The following PTPRD variants were observed in gnomAD, a reference collection of about 807,000 sequenced individuals.
The protein encoded by PTPRD is protein tyrosine phosphatase receptor type D, also known as receptor-type tyrosine-protein phosphatase delta.
A neutral mutation model predicts 214.5 loss-of-function variants in PTPRD; 34 were observed. The ratio of observed to expected loss-of-function variants is 0.16; its 90% CI spans 0.12 to 0.21. PTPRD has a LOEUF of 0.21. PTPRD is among the 10% of genes least tolerant of loss of function. The probability of loss-of-function intolerance (pLI) is 1.00; values close to 1 mark genes in which losing one functional copy is unlikely to be tolerated. For missense variants in PTPRD, 2,545 were observed against 2,398.7 expected, an observed-to-expected ratio of 1.06 and a Z score of -1.27; for synonymous variants, 1,128 against 845.7, an observed-to-expected ratio of 1.33 and a Z score of -5.79.
intron 2 of PTPRD, among the ~76,000 whole-genome samples, chr9:10,598,360 G>A (rs924176744): frequency 6.6e-6 from 1 of 151,708 alleles, no homozygotes; most frequent in African/African-American, 2.4e-5. Flanking sequence ...CATGATTTCT[G>A]CTTGGAACTC....
intron 39 of PTPRD, among the ~76,000 whole-genome samples, chr9:8,372,480 A>T (rs1156294): frequency 6.6e-6 from 1 of 151,890 alleles, no homozygotes; most frequent in South Asian, 2.1e-4. Flanking sequence ...GTGAAGAAAC[A>T]GAGATTAAAT....
intron 11 of PTPRD, among the ~76,000 whole-genome samples, chr9:8,967,608 A>T (rs1014103736): frequency 9.3e-6 from 1 of 107,084 alleles, no homozygotes; most frequent in African/African-American, 3.6e-5. Flanking sequence ...ACGTGGTATC[A>T]AAAAACAATA....
chr9:8,598,559 G>T (rs935775165), intron 14 of PTPRD, among the ~76,000 whole-genome samples: 1 of 152,182 alleles, frequency 6.6e-6, no homozygotes, highest in African/African-American at 2.4e-5. Flanking sequence ...CAGTCAATAT[G>T]AAAGCATAAT....
intron 4 of PTPRD, among the ~76,000 whole-genome samples, chr9:9,990,984 C>G (rs1891916): frequency 0.71 from 106,406 of 150,344 alleles, 37,874 homozygotes; most frequent in Middle Eastern, 0.78. Context: ...GCCCAGGCTG[C>G]AGTGCAGTGG....
At chr9:10,229,460 C>T (rs1338885015) in intron 3 of PTPRD, among the ~76,000 whole-genome samples, 1 of 151,996 alleles carries the variant, frequency 6.6e-6, no homozygotes, top group Non-Finnish European at 1.5e-5. Flanking sequence ...CCCAAATGTC[C>T]AACAGTGATA....
intron 3 of PTPRD, among the ~76,000 whole-genome samples, chr9:10,100,414 G>C (rs542516412): frequency 1.3e-5 from 2 of 151,750 alleles, no homozygotes; most frequent in East Asian, 3.9e-4. Context: ...TACTCTCTTA[G>C]ACTGATCTCT....
chr9:8,901,468 C>T (rs2098668196), intron 11 of PTPRD, among the ~76,000 whole-genome samples: 1 of 152,170 alleles, frequency 6.6e-6, no homozygotes, highest in Admixed American at 6.5e-5. Context: ...ACATCTATTG[C>T]CTCACAACAG....
chr9:10,564,068 C>CGAT (rs1440719327), intron 2 of PTPRD, among the ~76,000 whole-genome samples: 2 of 150,572 alleles, frequency 1.3e-5, no homozygotes, highest in African/African-American at 4.9e-5. Flanking sequence ...AGCACTGGTG[C>CGAT]GATCATGGCT....
chr9:9,518,062 T>C (rs2096879304), intron 8 of PTPRD, among the ~76,000 whole-genome samples: 1 of 152,110 alleles, frequency 6.6e-6, no homozygotes, highest in East Asian at 1.9e-4. Context: ...ATTGATACTT[T>C]TATAGTTGTG....
intron 3 of PTPRD, among the ~76,000 whole-genome samples, chr9:10,204,285 A>C (rs1054364043): frequency 3.3e-5 from 5 of 152,184 alleles, no homozygotes; most frequent in Non-Finnish European, 5.9e-5. Flanking sequence ...CTGAAAAAAA[A>C]CAACTCAGTT....
chr9:9,607,872 CA>C (rs201955831), intron 7 of PTPRD, among the ~76,000 whole-genome samples: 5 of 148,092 alleles, frequency 3.4e-5, no homozygotes, highest in East Asian at 3.9e-4. Context: ...TAGTGACTGA[CA>C]AAAAAAAAAT....
chr9:10,117,595 A>C (rs1024598478), intron 3 of PTPRD, among the ~76,000 whole-genome samples: 1 of 130,298 alleles, frequency 7.7e-6, no homozygotes, highest in Non-Finnish European at 1.6e-5. Context: ...TCTTCCCTGT[A>C]TGGATTAAAT....
At chr9:8,849,231 A>T (rs2097766671) in intron 11 of PTPRD, among the ~76,000 whole-genome samples, 1 of 132,802 alleles carries the variant, frequency 7.5e-6, no homozygotes. Context: ...GCTGGAGTGC[A>T]TTGGTGTAAT....
intron 9 of PTPRD, among the ~76,000 whole-genome samples, chr9:9,251,604 A>T (rs1166463853): frequency 6.6e-6 from 1 of 152,044 alleles, no homozygotes; most frequent in Non-Finnish European, 1.5e-5. Flanking sequence ...TTCATTACAG[A>T]CTTTGTCATA....
intron 7 of PTPRD, among the ~76,000 whole-genome samples, chr9:9,697,947 C>CT (rs1378027615): frequency 2.6e-5 from 4 of 152,126 alleles, no homozygotes; most frequent in African/African-American, 9.7e-5. Context: ...ACTTTAATGA[C>CT]TTTTTCAGTT....
At chr9:10,451,851 C>T (rs2098843656) in intron 2 of PTPRD, among the ~76,000 whole-genome samples, 1 of 151,970 alleles carries the variant, frequency 6.6e-6, no homozygotes, top group Non-Finnish European at 1.5e-5. Flanking sequence ...CACTAAACCT[C>T]ACCCTACTCG....
intron 10 of PTPRD, among the ~76,000 whole-genome samples, chr9:9,111,808 T>A (rs2099806505): frequency 6.6e-6 from 1 of 152,174 alleles, no homozygotes; most frequent in Admixed American, 6.6e-5. Flanking sequence ...AGAAAATATA[T>A]CTGAAATAAT....
At chr9:10,030,797 C>T (rs976764551) in intron 4 of PTPRD, among the ~76,000 whole-genome samples, 3 of 152,190 alleles carry the variant, frequency 2.0e-5, no homozygotes, top group Non-Finnish European at 4.4e-5. Flanking sequence ...GGTAATTTGT[C>T]ATACTCCCAT....
chr9:9,597,433 T>C (rs1260346429), intron 7 of PTPRD, among the ~76,000 whole-genome samples: 1 of 152,022 alleles, frequency 6.6e-6, no homozygotes, highest in Non-Finnish European at 1.5e-5. Flanking sequence ...CACAGATAAG[T>C]CATTAAGCTA....
Sources: allele counts gnomAD v4.1 joint callset (sites outside exome capture counted in the v4.1 genomes callset), GRCh38; gene constraint gnomAD v4.1.1; transcripts MANE v1.5; gene names NCBI Gene and HGNC (gene_info 2026-07-23, HGNC 2026-07-21).